The following PARD3B variants were observed in gnomAD, a reference collection of about 807,000 sequenced individuals.
The protein encoded by PARD3B is par-3 family cell polarity regulator beta.
Under a neutral mutation model 130.2 loss-of-function variants are expected in PARD3B, and 103 were observed. That is an observed-to-expected ratio of 0.79 (90% CI 0.67 to 0.93). The LOEUF is 0.93. Among genes scored for constraint, PARD3B ranks in the 40% least tolerant of loss-of-function variants. PARD3B has a pLI of 0.00. For missense variants in PARD3B, 1,609 were observed against 1,499.2 expected (o/e 1.07, Z -1.21); for synonymous variants, 583 against 553.2 (o/e 1.05, Z -0.76).
intron 3 of PARD3B, among the ~76,000 whole-genome samples, chr2:205,020,879 A>C (rs1191215006): frequency 6.6e-6 from 1 of 152,108 alleles, no homozygotes; most frequent in Non-Finnish European, 1.5e-5. Context: ...AACAAGGCAA[A>C]GGTTAATACG....
chr2:204,590,400 G>A (rs2033025376), intron 1 of PARD3B, among the ~76,000 whole-genome samples: 1 of 152,184 alleles, frequency 6.6e-6, no homozygotes, highest in Admixed American at 6.5e-5. Context: ...TGATTGTAAA[G>A]GATGTGCAAA....
chr2:205,255,733 G>T (rs1388558539), intron 16 of PARD3B, among the ~76,000 whole-genome samples: 1 of 151,906 alleles, frequency 6.6e-6, no homozygotes, highest in Non-Finnish European at 1.5e-5. Context: ...TGAAGGGCTG[G>T]ATGGAAGAGA....
At chr2:204,743,294 T>A (rs960503633) in intron 2 of PARD3B, among the ~76,000 whole-genome samples, 6 of 152,186 alleles carry the variant, frequency 3.9e-5, no homozygotes, top group Non-Finnish European at 8.8e-5. Flanking sequence ...TATATTTTTG[T>A]AGTTAAATAT....
intron 2 of PARD3B, among the ~76,000 whole-genome samples, chr2:204,724,080 T>C (rs1574819149): frequency 6.6e-6 from 1 of 152,126 alleles, no homozygotes; most frequent in Non-Finnish European, 1.5e-5. Flanking sequence ...GGTCAGAAAT[T>C]CCATATGCAC....
chr2:204,909,059 A>G (rs756760544), intron 2 of PARD3B, among the ~76,000 whole-genome samples: 2 of 152,170 alleles, frequency 1.3e-5, no homozygotes, highest in Middle Eastern at 3.2e-3. Flanking sequence ...GGAAGTTATT[A>G]CCAGGAGTTT....
chr2:204,553,937 C>T (rs565479890), intron 1 of PARD3B, among the ~76,000 whole-genome samples: 4 of 151,622 alleles, frequency 2.6e-5, no homozygotes, highest in South Asian at 4.2e-4. Context: ...AACTGGGTGC[C>T]GTGCATACTG....
At chr2:205,185,926 A>G (rs2125787787) in intron 14 of PARD3B, 63 bp downstream of exon 14, 1 of 1,318,890 alleles carries the variant, frequency 7.6e-7, no homozygotes, top group Middle Eastern at 1.8e-4. Flanking sequence ...GAACACAGCA[A>G]CCTTATTCAG....
At position 205,460,607 on chromosome 2, in the gene PARD3B, C is replaced by G. The variant is rs2048419037; in HGVS notation, c.3044+19935C>G. ...TAGAGTTTGAAGCTGGGCATAAATC[C>G]TAGGTATAAATCCTAACTCCACAGC... On this transcript the variant is annotated intron_variant, in intron 20 of 22. Coordinates refer to ENST00000406610, the MANE Select transcript of PARD3B (RefSeq NM_001302769.2). This position sits in a 1 kb window ranked among gnomAD's most constrained non-coding sequence, Gnocchi z 4.9. Among the ~76,000 whole-genome samples, 1 of 152,128 alleles carries G rather than the reference C, an allele frequency of 6.6e-6. No homozygotes were observed. Among genetic ancestry groups the G allele is most frequent in the Admixed American group, 6.6e-5 (1 of 15,258 alleles).
At chr2:204,688,902 C>T (rs970852548) in intron 2 of PARD3B, among the ~76,000 whole-genome samples, 6 of 152,106 alleles carry the variant, frequency 3.9e-5, no homozygotes, top group Non-Finnish European at 7.4e-5. Context: ...CAAAGAGGCA[C>T]GGATAGATGC....
At chr2:205,523,291 A>T (rs1232554810) in intron 21 of PARD3B, among the ~76,000 whole-genome samples, 2 of 149,746 alleles carry the variant, frequency 1.3e-5, no homozygotes, top group South Asian at 2.1e-4. Flanking sequence ...GTTGCCCAGG[A>T]TGCAGTGCAG....
chr2:204,578,882 C>G (rs536661384), intron 1 of PARD3B, among the ~76,000 whole-genome samples: 136 of 152,052 alleles, frequency 8.9e-4, no homozygotes, highest in African/African-American at 3.1e-3. Flanking sequence ...AGTCATTCAG[C>G]TAATAGGGCA....
intron 2 of PARD3B, among the ~76,000 whole-genome samples, chr2:204,714,114 C>T (rs189670889): frequency 6.6e-6 from 1 of 152,230 alleles, no homozygotes; most frequent in African/African-American, 2.4e-5. Context: ...TCCTGTACTA[C>T]AGGGTTAATC....
intron 3 of PARD3B, among the ~76,000 whole-genome samples, chr2:204,998,516 G>GTATATATATGTGTATATATATATA (rs1255594298): frequency 3.2e-5 from 1 of 31,462 alleles, no homozygotes; most frequent in Non-Finnish European, 8.1e-5. Flanking sequence ...ATATATATAT[G>GTATATATATGTGTATATATATATA]TGTGTGTATA....
intron 10 of PARD3B, among the ~76,000 whole-genome samples, chr2:205,130,609 C>T (rs1052221828): frequency 1.3e-5 from 2 of 152,100 alleles, no homozygotes; most frequent in Non-Finnish European, 2.9e-5. Context: ...ACCTCTTTAA[C>T]GTTTCATTTT....
At chr2:205,069,051 T>A (rs1268750920) in intron 4 of PARD3B, among the ~76,000 whole-genome samples, 2 of 152,066 alleles carry the variant, frequency 1.3e-5, no homozygotes, top group African/African-American at 2.4e-5. Context: ...TACCTACCTT[T>A]TTTTTTTCTT....
At chr2:204,918,706 A>G (rs2047548865) in intron 2 of PARD3B, among the ~76,000 whole-genome samples, 1 of 152,084 alleles carries the variant, frequency 6.6e-6, no homozygotes, top group Non-Finnish European at 1.5e-5. Context: ...GGTTATAGAA[A>G]AATAATAGTT....
intron 2 of PARD3B, among the ~76,000 whole-genome samples, chr2:204,739,409 G>A (rs1331514158): frequency 1.3e-5 from 2 of 152,052 alleles, no homozygotes; most frequent in South Asian, 4.1e-4. Context: ...CTGGGTATCT[G>A]TCTATTTATT....
intron 2 of PARD3B, among the ~76,000 whole-genome samples, chr2:204,860,227 C>T (rs2045127163): frequency 6.6e-6 from 1 of 151,814 alleles, no homozygotes; most frequent in South Asian, 2.1e-4. Flanking sequence ...AAAAAAAAAT[C>T]AAAGGAAATT....
At chr2:205,023,255 A>G (rs745619026) in intron 3 of PARD3B, among the ~76,000 whole-genome samples, 7 of 152,142 alleles carry the variant, frequency 4.6e-5, no homozygotes, top group Non-Finnish European at 7.3e-5. Context: ...TTTGTTTTCA[A>G]CACCATCTGG....
Sources: allele counts gnomAD v4.1 joint callset (sites outside exome capture counted in the v4.1 genomes callset), GRCh38; gene constraint gnomAD v4.1.1; non-coding constraint Gnocchi (gnomAD v3.1); transcripts MANE v1.5; gene names NCBI Gene and HGNC (gene_info 2026-07-23, HGNC 2026-07-21).